Variants in FER1L6 observed in about 807,000 individuals in gnomAD.
FER1L6 encodes fer-1 like family member 6.
FER1L6 carries 177 observed loss-of-function variants against 219.2 expected under a neutral mutation model. The ratio of observed to expected loss-of-function variants is 0.81; its 90% CI spans 0.71 to 0.91. The LOEUF (loss-of-function observed/expected upper bound fraction) is 0.91, where lower values mean the gene tolerates loss of function less well. FER1L6 is among the 40% of genes least tolerant of loss of function. FER1L6 has a pLI of 0.00. For synonymous variants in FER1L6, 768 were observed against 824.3 expected (o/e 0.93, Z 1.17); for missense variants, 2,153 against 2,259.9 (o/e 0.95, Z 0.96).
intron 33 of FER1L6, among the ~76,000 whole-genome samples, chr8:124,088,298 G>A (rs1213106883): frequency 1.3e-5 from 2 of 152,056 alleles, no homozygotes; most frequent in Non-Finnish European, 2.9e-5. Flanking sequence ...CTCTCCCCAT[G>A]GCCACCACTG....
At chr8:124,093,328 C>T (rs1016745595) in intron 34 of FER1L6, among the ~76,000 whole-genome samples, 28 of 151,738 alleles carry the variant, frequency 1.8e-4, no homozygotes, top group Admixed American at 6.6e-4. Flanking sequence ...TTGCTCATGC[C>T]TTTGATGCTT....
intron 11 of FER1L6, among the ~76,000 whole-genome samples, chr8:123,981,770 C>A (rs1816337122): frequency 6.6e-6 from 1 of 152,048 alleles, no homozygotes; most frequent in African/African-American, 2.4e-5. Context: ...GATACTAACA[C>A]CTCTCTGTGT....
At chr8:124,099,400 T>G (rs1038308016) in intron 37 of FER1L6, among the ~76,000 whole-genome samples, 1 of 152,218 alleles carries the variant, frequency 6.6e-6, no homozygotes, top group Non-Finnish European at 1.5e-5. Flanking sequence ...ATCCATTGGG[T>G]TGAGAACCCC....
chr8:124,112,907 A>T (rs1586359526), intron 39 of FER1L6, among the ~76,000 whole-genome samples: 1 of 152,326 alleles, frequency 6.6e-6, no homozygotes, highest in East Asian at 1.9e-4. Flanking sequence ...TGTATAGGAA[A>T]TTTGAAAAGC....
intron 1 of FER1L6, among the ~76,000 whole-genome samples, chr8:123,871,373 C>T (rs1864694): frequency 0.5 from 76,074 of 151,702 alleles, 19,542 homozygotes; most frequent in Middle Eastern, 0.58. Context: ...CAGGAAAAAA[C>T]GGTTGATTCT....
At chr8:124,052,864 G>T (rs1800958473) in intron 22 of FER1L6, among the ~76,000 whole-genome samples, 1 of 152,006 alleles carries the variant, frequency 6.6e-6, no homozygotes, top group African/African-American at 2.4e-5. Flanking sequence ...TTGTTTCATT[G>T]GTTTTCTTTT....
At chr8:123,895,060 A>C (rs184213978) in intron 1 of FER1L6, among the ~76,000 whole-genome samples, 14 of 152,332 alleles carry the variant, frequency 9.2e-5, no homozygotes, top group African/African-American at 3.1e-4. Flanking sequence ...GTAATAAGGC[A>C]AACTGAGATT....
intron 1 of FER1L6, among the ~76,000 whole-genome samples, chr8:123,876,610 G>T (rs2130286897): frequency 6.6e-6 from 1 of 152,302 alleles, no homozygotes; most frequent in Non-Finnish European, 1.5e-5. Flanking sequence ...ATAGGCATGA[G>T]CCACTGTGCC....
intron 1 of FER1L6, among the ~76,000 whole-genome samples, chr8:123,868,101 T>C (rs774375037): frequency 9.2e-5 from 14 of 152,194 alleles, no homozygotes; most frequent in Non-Finnish European, 1.9e-4. Context: ...TCCTTATTCC[T>C]TTCTTCCTTC....
chr8:124,015,086 G>A (rs1319538808), intron 15 of FER1L6, among the ~76,000 whole-genome samples: 1 of 152,184 alleles, frequency 6.6e-6, no homozygotes, highest in Non-Finnish European at 1.5e-5. Context: ...TGCCTCTCAT[G>A]ACAGAGCAGC....
chr8:124,073,419 C>T (rs1195653243), intron 31 of FER1L6, among the ~76,000 whole-genome samples: 3 of 152,150 alleles, frequency 2.0e-5, no homozygotes, highest in Admixed American at 6.5e-5. Context: ...CAATACTTTT[C>T]ATTGATATTT....
At chr8:123,864,814 C>T (rs920252109) in intron 1 of FER1L6, among the ~76,000 whole-genome samples, 13 of 150,662 alleles carry the variant, frequency 8.6e-5, no homozygotes, top group African/African-American at 3.3e-4. Flanking sequence ...GTTCTCAAGC[C>T]TTGGTTTTCA....
intron 1 of FER1L6, among the ~76,000 whole-genome samples, chr8:123,873,288 C>A (rs1816953744): frequency 6.6e-6 from 1 of 152,174 alleles, no homozygotes; most frequent in Non-Finnish European, 1.5e-5. Context: ...AATTTGACAT[C>A]ATCTCTCACT....
At chr8:123,986,920 G>T (rs1210902646) in intron 12 of FER1L6, among the ~76,000 whole-genome samples, 4 of 152,130 alleles carry the variant, frequency 2.6e-5, no homozygotes, top group Admixed American at 6.5e-5. Context: ...TTCATCTGTT[G>T]ATGGACATTT....
intron 1 of FER1L6, 51 bp from the exon 2 acceptor site, chr8:123,955,941 C>T (rs1386799656): frequency 1.6e-5 from 24 of 1,515,936 alleles, no homozygotes; most frequent in African/African-American, 6.9e-5. Context: ...TCTCCTAACA[C>T]GTCTAAATGA....
chr8:123,961,502 A>G (rs1815274150), intron 2 of FER1L6, among the ~76,000 whole-genome samples: 1 of 152,174 alleles, frequency 6.6e-6, no homozygotes, highest in African/African-American at 2.4e-5. Flanking sequence ...TTTTTTATGA[A>G]GGGTTACAGC....
intron 32 of FER1L6, among the ~76,000 whole-genome samples, chr8:124,078,789 A>ACT (rs1307836341): frequency 6.6e-6 from 1 of 151,436 alleles, no homozygotes; most frequent in African/African-American, 2.4e-5. Context: ...TGTGGCAGGA[A>ACT]CTATGGGTAT....
At chr8:123,940,100 C>T (rs1414868209) in intron 1 of FER1L6, among the ~76,000 whole-genome samples, 2 of 152,196 alleles carry the variant, frequency 1.3e-5, no homozygotes, top group Non-Finnish European at 2.9e-5. Flanking sequence ...AATAGGCACT[C>T]ATTAAATGTT....
intron 39 of FER1L6, among the ~76,000 whole-genome samples, chr8:124,114,849 T>G (rs1210932037): frequency 6.7e-6 from 1 of 148,404 alleles, no homozygotes; most frequent in African/African-American, 2.5e-5. Flanking sequence ...TGTAACTATA[T>G]ATACACTTAA....
Sources: gnomAD v4.1 joint callset for allele counts (sites outside exome capture counted in the v4.1 genomes callset) on GRCh38, gnomAD v4.1.1 for gene constraint, MANE v1.5 for transcripts, NCBI Gene and HGNC (gene_info 2026-07-23, HGNC 2026-07-21) for gene names.